CLDN10: variants seen among roughly 807,000 people sequenced by gnomAD.
CLDN10 encodes claudin 10, also known as claudin-10.
Under a neutral mutation model 22.9 loss-of-function variants are expected in CLDN10, and 15 were observed. The ratio of observed to expected loss-of-function variants is 0.65; its 90% CI spans 0.44 to 1.01. The LOEUF is 1.01. Among genes scored for constraint, CLDN10 ranks in the 50% least tolerant of loss-of-function variants. CLDN10 has a pLI of 0.00. For missense variants in CLDN10, 247 were observed against 287.8 expected (o/e 0.86, Z 1.03); for synonymous variants, 114 against 111.4 (o/e 1.02, Z -0.15).
chr13:95,519,996 T>A (rs910349141), intron 1 of CLDN10, among the ~76,000 whole-genome samples: 17 of 143,276 alleles, frequency 1.2e-4, no homozygotes, highest in African/African-American at 4.2e-4. Context: ...TCTGTTTTTC[T>A]TTACAATGTT....
chr13:95,555,058 T>TGG (rs67464574), intron 1 of CLDN10, among the ~76,000 whole-genome samples: 1 of 149,422 alleles, frequency 6.7e-6, no homozygotes, highest in African/African-American at 2.5e-5. Context: ...TTTTTTTTTT[T>TGG]TTTTTTTTTG....
At chr13:95,499,087 C>T (rs146809268) in intron 1 of CLDN10, among the ~76,000 whole-genome samples, 190 of 152,316 alleles carry the variant, frequency 1.2e-3, no homozygotes, top group African/African-American at 4.4e-3. Context: ...AACATTCCAT[C>T]GTATGGATAG....
chr13:95,499,519 G>A (rs2042963101), intron 1 of CLDN10, among the ~76,000 whole-genome samples: 1 of 152,198 alleles, frequency 6.6e-6, no homozygotes, highest in Non-Finnish European at 1.5e-5. Context: ...TCCAGCCTGG[G>A]CGACAAGAGT....
rs188717634 is a variant in CLDN10, at chr13:95,528,912, C to T, written c.215-31220C>T. Among the ~76,000 whole-genome samples, 196 of 152,296 alleles carry T rather than the reference C, an allele frequency of 1.3e-3. 1 individual carries two copies. Among genetic ancestry groups the T allele is most frequent in the Middle Eastern group, 0.01 (3 of 294 alleles). ...ACACCACAGTCACTAATATTTAGAG[C>T]TTGAACATAGTATGAATTGGTTGTC... On this transcript the variant is annotated intron_variant, in intron 1 of 4. Coordinates refer to the CLDN10 transcript ENST00000376873.
intron 3 of CLDN10, among the ~76,000 whole-genome samples, chr13:95,570,858 G>GTATATA (rs55861640): frequency 0.031 from 3,751 of 119,608 alleles, 161 homozygotes; most frequent in African/African-American, 0.09. Context: ...ATATACGTGT[G>GTATATA]TATATATATA....
chr13:95,488,741 T>C (rs2042834231), intron 1 of CLDN10, among the ~76,000 whole-genome samples: 1 of 151,966 alleles, frequency 6.6e-6, no homozygotes, highest in Admixed American at 6.6e-5. Flanking sequence ...TATATATATA[T>C]GCCACTATAT....
chr13:95,524,476 T>C (rs1469672563), intron 1 of CLDN10, among the ~76,000 whole-genome samples: 2 of 152,230 alleles, frequency 1.3e-5, no homozygotes, highest in African/African-American at 4.8e-5. Context: ...ATTCATGTTG[T>C]AGCATGTAAT....
At chr13:95,434,859 G>T (rs972514212) in intron 1 of CLDN10, among the ~76,000 whole-genome samples, 15 of 151,880 alleles carry the variant, frequency 9.9e-5, no homozygotes, top group African/African-American at 3.6e-4. Context: ...ATTTTCAGAA[G>T]GGTTTCCACG....
At chr13:95,532,792 C>CACAA in intron 1 of CLDN10, among the ~76,000 whole-genome samples, 1 of 62,020 alleles carries the variant, frequency 1.6e-5, no homozygotes, top group Admixed American at 2.5e-4. Context: ...CTCAATTCAG[C>CACAA]AAAAAAAAAA....
chr13:95,444,554 C>T (rs938076014), intron 1 of CLDN10, among the ~76,000 whole-genome samples: 3 of 152,202 alleles, frequency 2.0e-5, no homozygotes, highest in East Asian at 1.9e-4. Context: ...TGTTATTGGA[C>T]GGTTAAGTTC....
intron 1 of CLDN10, among the ~76,000 whole-genome samples, chr13:95,483,163 C>T (rs2042767860): frequency 6.6e-6 from 1 of 152,102 alleles, no homozygotes; most frequent in Non-Finnish European, 1.5e-5. Flanking sequence ...AGGTGTGGCA[C>T]TGCCACTCTG....
At chr13:95,471,364 G>GTGTGTGTGTA (rs1305231246) in intron 1 of CLDN10, among the ~76,000 whole-genome samples, 1 of 147,698 alleles carries the variant, frequency 6.8e-6, no homozygotes, top group African/African-American at 2.5e-5. Context: ...ATATATGTGT[G>GTGTGTGTGTA]TGTGTGTGTA....
At chr13:95,469,638 T>C (rs2042611703) in intron 1 of CLDN10, among the ~76,000 whole-genome samples, 4 of 152,234 alleles carry the variant, frequency 2.6e-5, no homozygotes, top group Non-Finnish European at 5.9e-5. Context: ...ATCTGCTGTC[T>C]CCTTTCCATT....
At chr13:95,507,353 G>A (rs2043048708) in intron 1 of CLDN10, among the ~76,000 whole-genome samples, 2 of 152,046 alleles carry the variant, frequency 1.3e-5, no homozygotes, top group Non-Finnish European at 2.9e-5. Context: ...ATAAACCAGG[G>A]TTTGAATCCC....
chr13:95,565,012 T>C (rs2043765192), intron 3 of CLDN10, among the ~76,000 whole-genome samples: 1 of 152,210 alleles, frequency 6.6e-6, no homozygotes, highest in Non-Finnish European at 1.5e-5. Context: ...GCTATGACTA[T>C]GTTTGATGAC....
chr13:95,539,348 G>C (rs557925263), intron 1 of CLDN10, among the ~76,000 whole-genome samples: 4 of 152,328 alleles, frequency 2.6e-5, no homozygotes, highest in African/African-American at 9.6e-5. Context: ...ATTGGATTGT[G>C]AATCTGTTTT....
At chr13:95,485,558 C>T (rs1400351144) in intron 1 of CLDN10, among the ~76,000 whole-genome samples, 1 of 152,144 alleles carries the variant, frequency 6.6e-6, no homozygotes, top group Non-Finnish European at 1.5e-5. Context: ...GTTTTCAAGC[C>T]CGGGCCCACT....
chr13:95,443,586 G>A (rs991137583), intron 1 of CLDN10, among the ~76,000 whole-genome samples: 1 of 152,176 alleles, frequency 6.6e-6, no homozygotes, highest in African/African-American at 2.4e-5. Context: ...TGATTTTTGT[G>A]GGAAGGAATA....
chr13:95,480,363 G>A (rs1326374618), intron 1 of CLDN10, among the ~76,000 whole-genome samples: 3 of 152,200 alleles, frequency 2.0e-5, no homozygotes, highest in Non-Finnish European at 4.4e-5. Context: ...TGAAGGCCCT[G>A]TATTAGAGGA....
Sources: gnomAD v4.1 joint callset for allele counts (sites outside exome capture counted in the v4.1 genomes callset) on GRCh38, gnomAD v4.1.1 for gene constraint, MANE v1.5 for transcripts, NCBI Gene and HGNC (gene_info 2026-07-23, HGNC 2026-07-21) for gene names.